The following SEPTIN11 variants were observed in gnomAD, a reference collection of about 807,000 sequenced individuals.
The protein encoded by SEPTIN11 is septin-11.
A neutral mutation model predicts 51.4 loss-of-function variants in SEPTIN11; 25 were observed. The observed-to-expected ratio is 0.49, with a 90% CI of 0.35 to 0.68. The LOEUF (loss-of-function observed/expected upper bound fraction) is 0.68, where lower values mean the gene tolerates loss of function less well. Ranked by LOEUF, SEPTIN11 falls within the 30% of genes least tolerant of loss-of-function variation. SEPTIN11 has a pLI of 0.00. For missense variants in SEPTIN11, 381 were observed against 520.8 expected (o/e 0.73, Z 2.61); for synonymous variants, 174 against 184.1 (o/e 0.95, Z 0.44).
intron 1 of SEPTIN11, among the ~76,000 whole-genome samples, chr4:76,971,951 T>A (rs1026711619): frequency 2.0e-5 from 3 of 152,234 alleles, no homozygotes; most frequent in Admixed American, 6.5e-5. Context: ...GCTATTTTTT[T>A]AAAAGTAATT....
At position 76,988,140 on chromosome 4, in the gene SEPTIN11, A is replaced by G. The variant is rs1457848935; in HGVS notation, c.28-8285A>G. On this transcript the variant is annotated intron_variant, in intron 1 of 9. Transcript: ENST00000264893. Reference sequence around the variant, plus strand: ...GTACACAGGGGCCGCCTATTAAATTAATATTCAACAGTGCTTTGGACTAAT... The same window carrying G: ...GTACACAGGGGCCGCCTATTAAATTGATATTCAACAGTGCTTTGGACTAAT... Among the ~76,000 whole-genome samples, 4 of 152,364 alleles carry G rather than the reference A, an allele frequency of 2.6e-5. No homozygotes were observed. In the East Asian group the frequency reaches 7.7e-4, roughly 29 times the overall value.
chr4:77,011,681 G>A, intron 3 of SEPTIN11, 54 bp from the exon 4 acceptor site: 1 of 1,529,496 alleles, frequency 6.5e-7, no homozygotes, highest in Non-Finnish European at 9.0e-7. Flanking sequence ...TTGAATGGAG[G>A]ATTGTCCTGT....
At chr4:77,018,011 T>C (rs1725417820) in intron 5 of SEPTIN11, among the ~76,000 whole-genome samples, 1 of 152,232 alleles carries the variant, frequency 6.6e-6, no homozygotes, top group Non-Finnish European at 1.5e-5. Context: ...AGAACTATAA[T>C]GTGAGACACA....
chr4:77,022,651 A>T (rs1417358017), intron 7 of SEPTIN11, among the ~76,000 whole-genome samples: 1 of 152,206 alleles, frequency 6.6e-6, no homozygotes, highest in Non-Finnish European at 1.5e-5. Context: ...CCTAGACGAG[A>T]TCATAACTTG....
At chr4:76,980,849 T>G (rs1327276721) in intron 1 of SEPTIN11, among the ~76,000 whole-genome samples, 1 of 152,250 alleles carries the variant, frequency 6.6e-6, no homozygotes, top group Non-Finnish European at 1.5e-5. Flanking sequence ...GAGTCTCATT[T>G]AACTTCAGTT....
intron 1 of SEPTIN11, among the ~76,000 whole-genome samples, chr4:76,994,900 C>CTTTTTT (rs55728971): frequency 1.1e-4 from 6 of 54,854 alleles, no homozygotes; most frequent in East Asian, 5.8e-4. Context: ...CTGTACAAAG[C>CTTTTTT]TTTTTTTTTT....
intron 4 of SEPTIN11, among the ~76,000 whole-genome samples, chr4:77,013,493 T>G (rs1234717126): frequency 6.6e-6 from 1 of 152,230 alleles, no homozygotes; most frequent in Non-Finnish European, 1.5e-5. Context: ...CTCTGCCATT[T>G]TGTCTATGTT....
rs552236022 is a variant in SEPTIN11 at position 77,032,317 on chromosome 4, A to G, written c.1274+1347A>G. On this transcript the variant is annotated intron_variant, in intron 9 of 9. Transcript: ENST00000264893. Reference sequence around the variant, plus strand: ...GAGTTGGCACAGATCCAAGTGACCAAAGGAGTTCAAGGCCCAAAATTTAGT... The same window carrying G: ...GAGTTGGCACAGATCCAAGTGACCAGAGGAGTTCAAGGCCCAAAATTTAGT... Among the ~76,000 whole-genome samples the G allele has an allele frequency of 1.9e-4, 29 of 152,354 alleles. No homozygotes were observed. In the East Asian group the frequency reaches 5.4e-3, roughly 28 times the overall value.
intron 2 of SEPTIN11, among the ~76,000 whole-genome samples, chr4:77,004,476 A>G (rs1400291460): frequency 2.0e-5 from 3 of 152,224 alleles, no homozygotes; most frequent in Non-Finnish European, 4.4e-5. Flanking sequence ...TTTCTGTGTA[A>G]TAGTAAAATC....
At chr4:76,958,071 C>G (rs1243080089) in intron 1 of SEPTIN11, among the ~76,000 whole-genome samples, 1 of 152,200 alleles carries the variant, frequency 6.6e-6, no homozygotes, top group African/African-American at 2.4e-5. Context: ...ATACCCCCCA[C>G]CAATAAACAT....
At chr4:76,989,697 A>G (rs1723248778) in intron 1 of SEPTIN11, among the ~76,000 whole-genome samples, 1 of 152,166 alleles carries the variant, frequency 6.6e-6, no homozygotes, top group Non-Finnish European at 1.5e-5. Flanking sequence ...AGATTATAAA[A>G]CTGCACTTTT....
At chr4:76,975,639 G>A (rs1476994802) in intron 1 of SEPTIN11, among the ~76,000 whole-genome samples, 1 of 152,154 alleles carries the variant, frequency 6.6e-6, no homozygotes, top group Non-Finnish European at 1.5e-5. Context: ...CTCTGATGCA[G>A]CGTATTCTTT....
At chr4:77,022,323 C>A (rs1725775034) in intron 7 of SEPTIN11, among the ~76,000 whole-genome samples, 1 of 152,184 alleles carries the variant, frequency 6.6e-6, no homozygotes. Context: ...GGGTTCAGTT[C>A]TTGGTCCTGC....
At chr4:76,995,654 T>A in intron 1 of SEPTIN11, 1 of 689,244 alleles carries the variant, frequency 1.5e-6, no homozygotes, top group Non-Finnish European at 2.2e-6. Context: ...ACCCACGGGA[T>A]GCATTCAAAG....
rs116829511 is a variant in SEPTIN11, at chr4:77,024,018, G to A, written c.953+3348G>A. Among the ~76,000 whole-genome samples the A allele has an allele frequency of 6.4e-3, 981 of 152,190 alleles. 13 individuals are homozygous for A. The highest frequency in any genetic ancestry group is 0.022 in the African/African-American group (923 of 41,520). On this transcript the variant is annotated intron_variant, in intron 7 of 9. Transcript: ENST00000264893. The surrounding 1 kb of genome is among the most constrained non-coding windows in gnomAD (Gnocchi z 4.2). ...TTCATCCTTCCCAGTGAGCACCCTCGTTCACCTTTTGTCCTCTGGGCCCCA... is the reference window on the plus strand; with the variant it reads ...TTCATCCTTCCCAGTGAGCACCCTCATTCACCTTTTGTCCTCTGGGCCCCA...
chr4:76,998,577 C>T (rs565671603), intron 2 of SEPTIN11, among the ~76,000 whole-genome samples: 8 of 152,242 alleles, frequency 5.3e-5, no homozygotes, highest in African/African-American at 1.9e-4. Context: ...CAGAGAATTG[C>T]AGAAATACAG....
At chr4:77,020,442 C>G in intron 6 of SEPTIN11, 60 bp from the exon 7 acceptor site, 2 of 1,558,084 alleles carry the variant, frequency 1.3e-6, no homozygotes, top group Non-Finnish European at 1.8e-6. Context: ...AGCATCACTG[C>G]AGATATTTCA....
chr4:76,999,246 A>G (rs1723948625), intron 2 of SEPTIN11, among the ~76,000 whole-genome samples: 2 of 152,348 alleles, frequency 1.3e-5, no homozygotes, highest in East Asian at 1.9e-4. Flanking sequence ...AGAGTTGAAT[A>G]TCAAATCCCG....
intron 5 of SEPTIN11, among the ~76,000 whole-genome samples, chr4:77,015,417 A>G (rs1456693767): frequency 6.6e-6 from 1 of 151,954 alleles, no homozygotes. Context: ...CCTCCTTTCT[A>G]TTTTCCCTAT....
Sources: allele counts gnomAD v4.1 joint callset (sites outside exome capture counted in the v4.1 genomes callset), GRCh38; gene constraint gnomAD v4.1.1; non-coding constraint Gnocchi (gnomAD v3.1); transcripts MANE v1.5; gene names NCBI Gene and HGNC (gene_info 2026-07-23, HGNC 2026-07-21).